FAM184A: variants seen among roughly 807,000 people sequenced by gnomAD.
FAM184A encodes family with sequence similarity 184 member A.
Under a neutral mutation model 143.8 loss-of-function variants are expected in FAM184A, and 99 were observed. That is an observed-to-expected ratio of 0.69 (90% CI 0.58 to 0.81). The LOEUF (loss-of-function observed/expected upper bound fraction) is 0.81, where lower values mean the gene tolerates loss of function less well. Among genes scored for constraint, FAM184A ranks in the 40% least tolerant of loss-of-function variants. The pLI, the probability that FAM184A is intolerant of heterozygous loss-of-function variation, is 0.00. For missense variants in FAM184A, 1,217 were observed against 1,310.5 expected, an observed-to-expected ratio of 0.93 and a Z score of 1.10; for synonymous variants, 427 against 446.4, an observed-to-expected ratio of 0.96 and a Z score of 0.55.
chr6:119,023,381 A>C (rs12664251), intron 2 of FAM184A, among the ~76,000 whole-genome samples: 51,069 of 152,030 alleles, frequency 0.34, 9,935 homozygotes, highest in East Asian at 0.68. Context: ...TTTTTCCCCC[A>C]GACTTGTGCA....
chr6:119,073,195 C>T (rs534095593), intron 1 of FAM184A, among the ~76,000 whole-genome samples: 2 of 152,266 alleles, frequency 1.3e-5, no homozygotes, highest in South Asian at 4.1e-4. Context: ...GGTAGCTGGT[C>T]AGGACAGTTT....
chr6:119,083,259 A>G (rs372497008), upstream of FAM184A, among the ~76,000 whole-genome samples: 2 of 152,220 alleles, frequency 1.3e-5, no homozygotes, highest in South Asian at 2.1e-4. Flanking sequence ...GGGAGGGGCC[A>G]CCAGGAAGAT....
At chr6:118,969,157 A>G (rs1296286234) in intron 14 of FAM184A, among the ~76,000 whole-genome samples, 2 of 152,150 alleles carry the variant, frequency 1.3e-5, no homozygotes, top group Admixed American at 6.5e-5. Flanking sequence ...CACCATGTGA[A>G]TAAGGATGTG....
chr6:119,017,990 C>T (rs1239961980), intron 4 of FAM184A, among the ~76,000 whole-genome samples: 2 of 152,178 alleles, frequency 1.3e-5, no homozygotes, highest in African/African-American at 4.8e-5. Context: ...CCTGAGGCCT[C>T]ACCAGAAACA....
chr6:119,137,304 G>A (rs1471691601), intron 1 of FAM184A, among the ~76,000 whole-genome samples: 5 of 131,512 alleles, frequency 3.8e-5, no homozygotes, highest in Admixed American at 3.6e-4. Context: ...GTGTGTGCAC[G>A]CCAGATAGAG....
At chr6:119,102,784 CAAA>C (rs58686018) in intron 1 of FAM184A, among the ~76,000 whole-genome samples, 10 of 30,110 alleles carry the variant, frequency 3.3e-4, no homozygotes, top group Non-Finnish European at 4.0e-4. Context: ...GACTCCATCT[CAAA>C]AAAAAAAAAA....
chr6:119,081,729 G>T (rs776995712), upstream of FAM184A, among the ~76,000 whole-genome samples: 3 of 152,182 alleles, frequency 2.0e-5, no homozygotes, highest in Non-Finnish European at 4.4e-5. Flanking sequence ...TGGGCCACTC[G>T]ACAGCCCAGG....
At chr6:119,094,453 T>C (rs1788454359) in intron 1 of FAM184A, among the ~76,000 whole-genome samples, 1 of 152,184 alleles carries the variant, frequency 6.6e-6, no homozygotes. Flanking sequence ...ACTATATAAG[T>C]GAAGCTTTCC....
intron 1 of FAM184A, among the ~76,000 whole-genome samples, chr6:119,052,833 G>C: frequency 6.6e-6 from 1 of 152,194 alleles, no homozygotes; most frequent in East Asian, 1.9e-4. Flanking sequence ...TAAATACACT[G>C]AGTTGTCTTA....
At position 118,985,692 on chromosome 6, in the gene FAM184A, C is replaced by T. The variant is rs146173122; in HGVS notation, c.2089-5342G>A. ...TAAATGGAAATCCCTGGAAGGTAAGCCCCTCTCGTAGCACCTACAGATGAA... is the reference window on the plus strand; with the variant it reads ...TAAATGGAAATCCCTGGAAGGTAAGTCCCTCTCGTAGCACCTACAGATGAA... On this transcript the variant is annotated intron_variant, in intron 9 of 17. Transcript: ENST00000338891. 5.8e-4 allele frequency among the ~76,000 whole-genome samples: 89 copies of T among 152,262 alleles called. 2 individuals are homozygous for T. In the East Asian group the frequency reaches 0.017, roughly 28 times the overall value.
intron 9 of FAM184A, 94 bp downstream of exon 9, chr6:119,002,805 C>G (rs1033215803): frequency 8.7e-6 from 10 of 1,152,522 alleles, no homozygotes; most frequent in Non-Finnish European, 1.2e-5. Flanking sequence ...TGAAAAATAA[C>G]AAAATTCAGT....
intron 14 of FAM184A, among the ~76,000 whole-genome samples, chr6:118,973,642 A>C (rs1403614046): frequency 6.6e-6 from 1 of 152,212 alleles, no homozygotes; most frequent in Admixed American, 6.5e-5. Context: ...GCAGCAGCTT[A>C]GAGTAGATTA....
chr6:119,039,215 A>T (rs935780769), intron 1 of FAM184A, among the ~76,000 whole-genome samples: 4 of 152,252 alleles, frequency 2.6e-5, no homozygotes, highest in African/African-American at 9.6e-5. Context: ...AATATTGTAG[A>T]CATTTTGGAA....
intron 1 of FAM184A, among the ~76,000 whole-genome samples, chr6:119,137,525 T>C (rs984111537): frequency 3.9e-5 from 6 of 152,170 alleles, no homozygotes; most frequent in Non-Finnish European, 5.9e-5. Context: ...TACAGTCACA[T>C]TGGGGGTTAG....
intron 11 of FAM184A, 122 bp downstream of exon 11, chr6:118,979,243 A>G (rs1454463331): frequency 1.0e-5 from 9 of 886,632 alleles, no homozygotes; most frequent in Non-Finnish European, 1.4e-5. Flanking sequence ...TATGCAGTAC[A>G]CTTAGATATT....
rs1169176340 is a variant in FAM184A, at chr6:119,016,829, A to G, written c.1448T>C (p.Leu483Ser). The G allele has an allele frequency of 1.9e-6, 3 of 1,614,170 alleles. No homozygotes were observed. Among genetic ancestry groups the G allele is most frequent in the Non-Finnish European group, 2.5e-6 (3 of 1,180,016 alleles). Residue 483 changes from leucine (L) to serine (S), a missense_variant, in exon 5 of 18, where the codon TTG (leucine) becomes TCG (serine). Transcript: ENST00000338891. ...ATGGTGCTTCCAAGCTAATTCTTCC[A>G]AAGTCTTAGAATGGGCCTCGTTTAA... Reference protein sequence around the residue: ...TQLNEAHSKTLEELAWKHHMA... With the variant: ...TQLNEAHSKTSEELAWKHHMA...
At chr6:119,040,246 T>A (rs758119551) in intron 1 of FAM184A, among the ~76,000 whole-genome samples, 1 of 152,232 alleles carries the variant, frequency 6.6e-6, no homozygotes, top group African/African-American at 2.4e-5. Context: ...TGGACCCGTA[T>A]GGATTTGCCG....
chr6:119,101,450 A>G (rs1788635874), intron 1 of FAM184A, among the ~76,000 whole-genome samples: 2 of 152,274 alleles, frequency 1.3e-5, no homozygotes, highest in African/African-American at 4.8e-5. Flanking sequence ...TTACTTTACT[A>G]TAGGATAACA....
At chr6:119,131,181 A>G (rs1789525077) in intron 1 of FAM184A, among the ~76,000 whole-genome samples, 1 of 152,146 alleles carries the variant, frequency 6.6e-6, no homozygotes, top group African/African-American at 2.4e-5. Flanking sequence ...CTTGATGCCA[A>G]TGAATTTCCT....
Sources: gnomAD v4.1 joint callset for allele counts (sites outside exome capture counted in the v4.1 genomes callset) on GRCh38, gnomAD v4.1.1 for gene constraint, MANE v1.5 for transcripts, NCBI Gene and HGNC (gene_info 2026-07-23, HGNC 2026-07-21) for gene names.